Variants in LEMD2 observed in about 807,000 individuals in gnomAD.
LEMD2 encodes the protein LEM domain-containing protein 2.
A neutral mutation model predicts 58.8 loss-of-function variants in LEMD2; 34 were observed. That is an observed-to-expected ratio of 0.58 (90% confidence interval 0.44 to 0.77). The LOEUF (loss-of-function observed/expected upper bound fraction) is 0.77. Ranked by LOEUF, LEMD2 falls within the 30% of genes least tolerant of loss-of-function variation. The pLI, the probability that LEMD2 is intolerant of heterozygous loss-of-function variation, is 0.00. For synonymous variants in LEMD2, 298 were observed against 308.9 expected (o/e 0.96, Z 0.37); for missense variants, 629 against 717.9 (o/e 0.88, Z 1.42).
intron 3 of LEMD2, among the ~76,000 whole-genome samples, chr6:33,783,405 C>T (rs566645086): frequency 6.6e-6 from 1 of 152,326 alleles, no homozygotes; most frequent in East Asian, 1.9e-4. Flanking sequence ...CCACCCGACC[C>T]TAATTTCCCA....
At position 33,780,111 on chromosome 6, in the gene LEMD2, G is replaced by A. The variant is rs148655789; in HGVS notation, c.999C>T (p.Asp333=). ...ALTWILSSNK[D]VGIWLKGEDQ... ...CTGCCCACACTCACCAGATGCCCAC[G>A]TCCTTGTTACTGCTCAGTATCCAGG... The change falls in exon 5 of 9, where the codon GAC becomes GAT. Residue 333 remains aspartate, a synonymous_variant. Transcript: ENST00000293760. 10 of 1,591,348 alleles carry A rather than the reference G, an allele frequency of 6.3e-6. No individual in the cohort carries two copies. Among genetic ancestry groups the A allele is most frequent in the East Asian group, 2.3e-5 (1 of 44,102 alleles).
In LEMD2 at chr6:33,788,579, C is replaced by A. The variant is rs1416240850; in HGVS notation, c.538G>T (p.Asp180Tyr). 7.4e-7 allele frequency: 1 copy of A among 1,352,128 alleles called. No individual in the cohort carries two copies. The highest frequency in any genetic ancestry group is 9.5e-7 in the Non-Finnish European group (1 of 1,057,116). The allele number at this position is 1,352,128 out of a possible 1,614,324, so 83.8% of individuals were successfully genotyped here. The change falls in exon 1 of 9, where the codon GAC becomes TAC. Residue 180 changes from aspartate to tyrosine, a missense_variant. Around this residue, in one of 2 missense-constraint regions of LEMD2, gnomAD observed 386 missense variants for 381.1 expected, o/e 1.01. Transcript: ENST00000293760. Reference sequence around the variant, plus strand: ...GTCGCCCGCAGGCCCGGGCGCGGGTCGGGACCGAGGAGGGAGGAAGGCAGC... The same window carrying A: ...GTCGCCCGCAGGCCCGGGCGCGGGTAGGGACCGAGGAGGGAGGAAGGCAGC... The part of the protein sequence containing the change: ...ARLPSSLLGP[D>Y]PRPGLRATRA...
intron 5 of LEMD2, chr6:33,779,635 A>C (rs1767519179): frequency 6.4e-6 from 1 of 156,746 alleles, no homozygotes; most frequent in African/African-American, 2.4e-5. Context: ...CAGTGATAAA[A>C]ATGAGGCAGA....
At chr6:33,782,412 A>G (rs1395161748) in intron 3 of LEMD2, among the ~76,000 whole-genome samples, 1 of 152,150 alleles carries the variant, frequency 6.6e-6, no homozygotes, top group African/African-American at 2.4e-5. Flanking sequence ...ATCCAAGGCC[A>G]TCTATGGTAG....
At chr6:33,774,994 A>G (rs931090600) in intron 8 of LEMD2, among the ~76,000 whole-genome samples, 1 of 146,608 alleles carries the variant, frequency 6.8e-6, no homozygotes, top group Non-Finnish European at 1.5e-5. Flanking sequence ...GAATGAATGA[A>G]TGATAGTCTC....
chr6:33,779,908 C>T (rs1326248619), intron 5 of LEMD2, 192 bp downstream of exon 5: 1 of 560,872 alleles, frequency 1.8e-6, no homozygotes, highest in Non-Finnish European at 3.2e-6. Context: ...CTTGAAGCTG[C>T]TCCTTACACT....
At position 33,778,622 on chromosome 6, in the gene LEMD2, G is replaced by T; in HGVS notation, c.1011-235C>A. On this transcript the variant is annotated intron_variant, in intron 5 of 8. Transcript: ENST00000293760. This position sits in a 1 kb window ranked among gnomAD's most constrained non-coding sequence, Gnocchi z 4.7. Reference sequence around the variant, plus strand: ...CTTGAACCCCTACCGCTAAAGCAACGTCCCCCTGTCAGGTCTTTGACAGCC... The same window carrying T: ...CTTGAACCCCTACCGCTAAAGCAACTTCCCCCTGTCAGGTCTTTGACAGCC... The T allele has an allele frequency of 2.7e-6, 1 of 368,602 alleles. No individual in the cohort carries two copies. The highest frequency in any genetic ancestry group is 4.8e-6 in the Non-Finnish European group (1 of 207,242). 22.8% of individuals were successfully genotyped at this position (368,602 alleles called of 1,614,324 possible).
At chr6:33,773,918 GT>G (rs1190852968) in intron 8 of LEMD2, among the ~76,000 whole-genome samples, 1 of 152,206 alleles carries the variant, frequency 6.6e-6, no homozygotes, top group East Asian at 1.9e-4. Flanking sequence ...GGCTTGGGAG[GT>G]AAGTCAAGAG....
chr6:33,782,681 C>G (rs1402895249), intron 3 of LEMD2, among the ~76,000 whole-genome samples: 1 of 152,240 alleles, frequency 6.6e-6, no homozygotes, highest in Non-Finnish European at 1.5e-5. Context: ...TTATATCACC[C>G]AGTGGTCAGG....
chr6:33,781,602 G>A, intron 3 of LEMD2: 3 of 168,924 alleles, frequency 1.8e-5, no homozygotes, highest in Non-Finnish European at 3.8e-5. Context: ...GCCCCTTGGA[G>A]GAAGAGGATG....
At chr6:33,777,885 AG>A (rs1170363187) in intron 6 of LEMD2, among the ~76,000 whole-genome samples, 4 of 152,194 alleles carry the variant, frequency 2.6e-5, no homozygotes, top group African/African-American at 7.2e-5. Flanking sequence ...AAGTAGGCCA[AG>A]CCCCTGCTGT....
chr6:33,775,982 TG>T (rs34065166), intron 8 of LEMD2, among the ~76,000 whole-genome samples: 11 of 151,922 alleles, frequency 7.2e-5, no homozygotes, highest in African/African-American at 2.2e-4. Context: ...GAGCCAACAC[TG>T]GGGGGGGCCC....
At position 33,772,481 on chromosome 6, in the gene LEMD2, G is replaced by GTAT. The variant is rs1030793039; in HGVS notation, c.*144_*146dup. On this transcript the variant is annotated 3_prime_UTR_variant, in exon 9 of 9. Coordinates refer to ENST00000293760, the MANE Select transcript of LEMD2 (RefSeq NM_181336.4). The stretch of plus-strand genomic sequence containing the variant: ...CCTGCGAGCCGAACTCCTCTGAAGA[G>GTAT]TATGGCAGACCTTTGGAATCGTGTC... 1.1e-4 allele frequency: 82 copies of GTAT among 737,680 alleles called. 2 individuals carry two copies. The Middle Eastern group carries it at 1.2e-3, about 11-fold the overall frequency. 45.7% of individuals were successfully genotyped at this position (737,680 alleles called of 1,614,324 possible).
intron 8 of LEMD2, 51 bp downstream of exon 8, chr6:33,776,903 G>A (rs758776079): frequency 6.9e-7 from 1 of 1,446,138 alleles, no homozygotes; most frequent in Admixed American, 1.7e-5. Context: ...GGAGCTCAGT[G>A]GGGTCGGACC....
Position 33,788,414 on chromosome 6 carries a change from T to C in LEMD2, c.703A>G (p.Lys235Glu). The change falls in exon 1 of 9, where the codon AAG (lysine) becomes GAG (glutamate). Residue 235 changes from lysine to glutamate, a missense_variant. Coordinates refer to ENST00000293760, the MANE Select transcript of LEMD2 (RefSeq NM_181336.4). ...FLGILWVKMGKPSAPQEAEDN... is the reference protein window; with the variant it reads ...FLGILWVKMGEPSAPQEAEDN... ...TCCGCCTCCTGCGGCGCTGAGGGCT[T>C]GCCCATCTTCACCCAAAGGATGCCC... 7 of 1,585,514 alleles carry C rather than the reference T, an allele frequency of 4.4e-6. No homozygotes were observed. The highest frequency in any genetic ancestry group is 6.0e-6 in the Non-Finnish European group (7 of 1,166,984).
chr6:33,788,587 AGGAG>A lies in LEMD2; in HGVS notation c.526_529del (p.Leu176SerfsTer43). The A allele has an allele frequency of 7.6e-7, 1 of 1,312,132 alleles. No individual in the cohort carries two copies. The highest frequency in any genetic ancestry group is 9.7e-7 in the Non-Finnish European group (1 of 1,034,560). 81.3% of individuals were successfully genotyped at this position (1,312,132 alleles called of 1,614,324 possible). On this transcript the variant is annotated frameshift_variant, in exon 1 of 9. Transcript: ENST00000293760. LOFTEE classifies it high-confidence loss of function. ...CAGGCCCGGGCGCGGGTCGGGACCG[AGGAG>A]GGAGGAAGGCAGCCGCGCCGGGGCG... is the stretch of plus-strand genomic sequence containing the variant.
intron 4 of LEMD2, 94 bp downstream of exon 4, chr6:33,780,983 G>A: frequency 1.2e-6 from 1 of 809,198 alleles, no homozygotes; most frequent in Non-Finnish European, 2.0e-6. Flanking sequence ...AAGCCACAAA[G>A]CAAACAAAAA....
At chr6:33,774,333 G>A (rs971493622) in intron 8 of LEMD2, among the ~76,000 whole-genome samples, 11 of 151,604 alleles carry the variant, frequency 7.3e-5, no homozygotes, top group African/African-American at 2.2e-4. Flanking sequence ...CACCATGCCC[G>A]GCTAATTTTT....
chr6:33,786,664 G>C (rs930664003), intron 2 of LEMD2, 70 bp downstream of exon 2: 4 of 1,189,488 alleles, frequency 3.4e-6, no homozygotes, highest in Non-Finnish European at 5.0e-6. Flanking sequence ...TTTTTCTGGG[G>C]AAGTTTACCT....
Sources: gnomAD v4.1 joint callset for allele counts (sites outside exome capture counted in the v4.1 genomes callset) on GRCh38, gnomAD v4.1.1 for gene constraint, gnomAD v4.1.1 regional missense constraint, Gnocchi (gnomAD v3.1) non-coding constraint, MANE v1.5 for transcripts, NCBI Gene and HGNC (gene_info 2026-07-23, HGNC 2026-07-21) for gene names.